Variants in LRRC4C observed in about 807,000 individuals in gnomAD.
The protein encoded by LRRC4C is leucine rich repeat containing 4C, also known as leucine-rich repeat-containing protein 4C.
LRRC4C carries 5 observed loss-of-function variants against 33.6 expected under a neutral mutation model. That is an observed-to-expected ratio of 0.15 (90% CI 0.08 to 0.31). LRRC4C has a LOEUF of 0.31. Among genes scored for constraint, LRRC4C ranks in the 10% least tolerant of loss-of-function variants. The pLI, the probability that LRRC4C is intolerant of heterozygous loss-of-function variation, is 1.00. For missense variants in LRRC4C, 560 were observed against 796.7 expected, an observed-to-expected ratio of 0.70 and a Z score of 3.58; for synonymous variants, 329 against 302.0, an observed-to-expected ratio of 1.09 and a Z score of -0.93.
rs373385664 is a variant in LRRC4C at position 40,401,863 on chromosome 11, A to T, written c.-269-82142T>A. Among the ~76,000 whole-genome samples the T allele has an allele frequency of 5.9e-5, 9 of 152,238 alleles. No homozygotes were observed. The East Asian group carries it at 1.5e-3, about 26-fold the overall frequency. On this transcript the variant is annotated intron_variant, in intron 3 of 6. Coordinates refer to ENST00000528697, the MANE Select transcript of LRRC4C (RefSeq NM_001258419.2). ...GCTTTTCTATGGTGTGTGCATGTGT[A>T]TGTGTACTTTTCATGTTGTGTTTAG...
chr11:41,299,419 ATTATTT>A (rs1452403999), intron 1 of LRRC4C, among the ~76,000 whole-genome samples: 1 of 152,096 alleles, frequency 6.6e-6, no homozygotes, highest in Non-Finnish European at 1.5e-5. Flanking sequence ...AGCCCACTTT[ATTATTT>A]TTAATTTCCT....
At chr11:40,428,290 T>C (rs1012210009) in intron 3 of LRRC4C, among the ~76,000 whole-genome samples, 1 of 152,184 alleles carries the variant, frequency 6.6e-6, no homozygotes, top group Non-Finnish European at 1.5e-5. Flanking sequence ...AGAATTGCAG[T>C]ATTGAAGAGT....
At chr11:40,703,906 A>G (rs1946011912) in intron 2 of LRRC4C, among the ~76,000 whole-genome samples, 1 of 152,178 alleles carries the variant, frequency 6.6e-6, no homozygotes. Flanking sequence ...ATTTTAATAA[A>G]AAGATTAAGT....
chr11:41,054,508 G>A (rs1389183019), intron 1 of LRRC4C, among the ~76,000 whole-genome samples: 1 of 152,106 alleles, frequency 6.6e-6, no homozygotes, highest in Non-Finnish European at 1.5e-5. Flanking sequence ...GTCACCACCA[G>A]GGTGATTTTC....
intron 1 of LRRC4C, among the ~76,000 whole-genome samples, chr11:41,148,279 T>C (rs144748349): frequency 1.9e-3 from 284 of 152,156 alleles, no homozygotes; most frequent in African/African-American, 6.6e-3. Flanking sequence ...ACTCCCAAAG[T>C]GCTGGGATTA....
At chr11:41,323,828 A>T (rs992438726) in intron 1 of LRRC4C, among the ~76,000 whole-genome samples, 1 of 152,210 alleles carries the variant, frequency 6.6e-6, no homozygotes, top group East Asian at 1.9e-4. Context: ...ATGGGTTTAT[A>T]TCTTAAAGGC....
chr11:41,456,573 C>T (rs1235695610), intron 1 of LRRC4C, among the ~76,000 whole-genome samples: 1 of 152,110 alleles, frequency 6.6e-6, no homozygotes. Flanking sequence ...AACGGAATGT[C>T]CTTTATTCTC....
At chr11:41,454,038 G>T (rs1276022552) in intron 1 of LRRC4C, among the ~76,000 whole-genome samples, 1 of 152,000 alleles carries the variant, frequency 6.6e-6, no homozygotes, top group Non-Finnish European at 1.5e-5. Context: ...TCATAAAGCA[G>T]ACTTCATCCA....
intron 3 of LRRC4C, among the ~76,000 whole-genome samples, chr11:40,344,331 G>A (rs1160533457): frequency 1.3e-5 from 2 of 152,172 alleles, no homozygotes; most frequent in East Asian, 1.9e-4. Flanking sequence ...TCCCTGGCAT[G>A]CAAGGTTGGT....
At chr11:41,121,301 A>G (rs1221586386) in intron 1 of LRRC4C, among the ~76,000 whole-genome samples, 3 of 152,172 alleles carry the variant, frequency 2.0e-5, no homozygotes, top group African/African-American at 7.2e-5. Flanking sequence ...CAGCAAAGCT[A>G]TAACGTTTAT....
chr11:41,304,534 GC>G (rs1186735169), intron 1 of LRRC4C, among the ~76,000 whole-genome samples: 7 of 111,432 alleles, frequency 6.3e-5, no homozygotes, highest in African/African-American at 2.5e-4. Context: ...GGGGGTATCA[GC>G]CCCCCGCCCG....
At chr11:40,531,794 T>C (rs1418056837) in intron 3 of LRRC4C, among the ~76,000 whole-genome samples, 1 of 151,738 alleles carries the variant, frequency 6.6e-6, no homozygotes, top group Non-Finnish European at 1.5e-5. Context: ...ATAAAATTTA[T>C]GTTTGTTTGG....
At chr11:41,049,925 C>T (rs1031049602) in intron 1 of LRRC4C, among the ~76,000 whole-genome samples, 17 of 152,088 alleles carry the variant, frequency 1.1e-4, no homozygotes, top group African/African-American at 4.1e-4. Flanking sequence ...ACTCAGTAAA[C>T]AATAGTGTAA....
intron 1 of LRRC4C, among the ~76,000 whole-genome samples, chr11:41,069,395 A>G (rs1299684287): frequency 6.6e-6 from 1 of 152,150 alleles, no homozygotes; most frequent in African/African-American, 2.4e-5. Flanking sequence ...CTCCTATTCA[A>G]TTTAGTATTG....
At chr11:40,149,687 A>C (rs2135092684) in intron 5 of LRRC4C, among the ~76,000 whole-genome samples, 1 of 152,278 alleles carries the variant, frequency 6.6e-6, no homozygotes, top group Non-Finnish European at 1.5e-5. Context: ...CCCCTCTGAA[A>C]AAGAGATGTG....
At chr11:40,810,889 C>CA (rs1233122972) in intron 2 of LRRC4C, among the ~76,000 whole-genome samples, 2 of 152,044 alleles carry the variant, frequency 1.3e-5, no homozygotes, top group African/African-American at 4.8e-5. Context: ...TACTTTTTTC[C>CA]AAAAATTTAT....
At chr11:40,513,408 T>C (rs1455576755) in intron 3 of LRRC4C, among the ~76,000 whole-genome samples, 1 of 151,980 alleles carries the variant, frequency 6.6e-6, no homozygotes, top group East Asian at 1.9e-4. Context: ...TAAGCTACAT[T>C]AGACTAGGGA....
intron 1 of LRRC4C, among the ~76,000 whole-genome samples, chr11:41,237,528 T>A (rs1011381370): frequency 9.2e-5 from 14 of 152,192 alleles, no homozygotes; most frequent in African/African-American, 3.1e-4. Context: ...AGCTGTAATA[T>A]CTGCCTTACA....
chr11:40,430,889 T>C (rs1339001523), intron 3 of LRRC4C, among the ~76,000 whole-genome samples: 3 of 130,034 alleles, frequency 2.3e-5, no homozygotes, highest in African/African-American at 5.9e-5. Context: ...TAGGTGGGAA[T>C]TGAACAATGA....
Sources: gnomAD v4.1 joint callset for allele counts (sites outside exome capture counted in the v4.1 genomes callset) on GRCh38, gnomAD v4.1.1 for gene constraint, MANE v1.5 for transcripts, NCBI Gene and HGNC (gene_info 2026-07-23, HGNC 2026-07-21) for gene names.